The following FGR variants were observed in gnomAD, a reference collection of about 807,000 sequenced individuals.
The protein encoded by FGR is FGR proto-oncogene, Src family tyrosine kinase.
In FGR, 26 loss-of-function variants were observed where a neutral mutation model predicts 63.2. That is an observed-to-expected ratio of 0.41 (90% CI 0.30 to 0.57). The LOEUF (loss-of-function observed/expected upper bound fraction) is 0.57. Among genes scored for constraint, FGR ranks in the 20% least tolerant of loss-of-function variants. FGR has a pLI of 0.27. For synonymous variants in FGR, 286 were observed against 277.7 expected (o/e 1.03, Z -0.30); for missense variants, 511 against 690.8 (o/e 0.74, Z 2.92).
In FGR at chr1:27,616,820, G is replaced by T. The variant is rs1335647843; in HGVS notation, c.682+37C>A. On this transcript the variant is annotated intron_variant, in intron 7 of 12. Transcript: ENST00000374005. This position sits in a 1 kb window ranked among gnomAD's most constrained non-coding sequence, Gnocchi z 4.3. ...GTTCCCCCATCTGGACAATGCTTCA[G>T]TTGGTTGGTTCAGGGATCTGAGGCC... is the stretch of plus-strand genomic sequence containing the variant. 7 of 1,608,978 alleles carry T rather than the reference G, an allele frequency of 4.4e-6. No individual in the cohort carries two copies. Among genetic ancestry groups the T allele is most frequent in the Admixed American group, 3.3e-5 (2 of 59,996 alleles).
chr1:27,633,739 A>G (rs1292073), intron 1 of FGR, among the ~76,000 whole-genome samples: 6,723 of 152,190 alleles, frequency 0.044, 494 homozygotes, highest in African/African-American at 0.15. Context: ...TTTTTTGTAG[A>G]GACAGGACGG....
At chr1:27,623,623 A>G (rs753801820) in intron 3 of FGR, 68 bp downstream of exon 3, 5 of 1,534,464 alleles carry the variant, frequency 3.3e-6, no homozygotes, top group Middle Eastern at 1.7e-4. Context: ...GCAAGTTCGC[A>G]TCTCTTCTTC....
chr1:27,614,967 G>C (rs2089776768), intron 9 of FGR, 41 bp from the exon 10 acceptor site: 1 of 1,525,534 alleles, frequency 6.6e-7, no homozygotes, highest in South Asian at 1.2e-5. Flanking sequence ...GCCCTACCCC[G>C]GGCCCCAGCC....
chr1:27,633,746 A>C (rs2090138294), intron 1 of FGR, among the ~76,000 whole-genome samples: 1 of 152,134 alleles, frequency 6.6e-6, no homozygotes, highest in African/African-American at 2.4e-5. Flanking sequence ...TAGAGACAGG[A>C]CGGGGGTCTC....
At chr1:27,623,552 C>G in intron 3 of FGR, 139 bp downstream of exon 3, 3 of 867,056 alleles carry the variant, frequency 3.5e-6, no homozygotes, top group Non-Finnish European at 5.6e-6. Context: ...CAGACTCCCT[C>G]AGCCCATGTG....
At chr1:27,633,765 G>A (rs914970202) in intron 1 of FGR, among the ~76,000 whole-genome samples, 3 of 152,132 alleles carry the variant, frequency 2.0e-5, no homozygotes, top group Admixed American at 6.5e-5. Flanking sequence ...TCCCTGTGCT[G>A]CCCAGGCTGG....
At chr1:27,633,431 T>C (rs1037556832) in intron 1 of FGR, among the ~76,000 whole-genome samples, 2 of 152,136 alleles carry the variant, frequency 1.3e-5, no homozygotes, top group African/African-American at 4.8e-5. Flanking sequence ...AGAGAGGGTG[T>C]GAGACAGATT....
intron 1 of FGR, among the ~76,000 whole-genome samples, chr1:27,629,219 A>G (rs1226069265): frequency 6.6e-6 from 1 of 152,124 alleles, no homozygotes; most frequent in Non-Finnish European, 1.5e-5. Context: ...AAAAAAGAAA[A>G]GAAAAGAAAA....
rs1040219112 is a variant in FGR, at chr1:27,623,448, C to A, written c.226+243G>T. On this transcript the variant is annotated intron_variant, in intron 3 of 12. Transcript: ENST00000374005. The stretch of plus-strand genomic sequence containing the variant: ...AAGGGCAAGAAGTTTCTCTTTGTCA[C>A]TTGCATCTGTCACAGGATCCTGCCC... The A allele has an allele frequency of 1.2e-4, 73 of 603,628 alleles. 1 individual carries two copies. The highest frequency in any genetic ancestry group is 7.5e-4 in the South Asian group (38 of 50,404). 37.4% of individuals were successfully genotyped at this position (603,628 alleles called of 1,614,324 possible).
chr1:27,621,796 G>A, intron 4 of FGR, 139 bp from the exon 5 acceptor site: 1 of 663,756 alleles, frequency 1.5e-6, no homozygotes, highest in Non-Finnish European at 2.8e-6. Context: ...TGGGGCTTTT[G>A]TCCGCTCTGC....
chr1:27,625,978 C>T, intron 1 of FGR: 1 of 400,550 alleles, frequency 2.5e-6, no homozygotes, highest in Non-Finnish European at 4.4e-6. Flanking sequence ...AGTCCTTCCT[C>T]TGAACCCTGC....
In FGR at chr1:27,613,017, C is replaced by T. The variant is rs141451773; in HGVS notation, c.1487G>A (p.Arg496His). 422 of 1,614,228 alleles carry T rather than the reference C, an allele frequency of 2.6e-4. 2 individuals are homozygous for T. Among genetic ancestry groups the T allele is most frequent in the East Asian group, 3.3e-4 (15 of 44,892 alleles). The change falls in exon 13 of 13, where the codon CGT becomes CAT. Residue 496 changes from arginine to histidine, a missense_variant. Physicochemically the swap from Arg to His is conservative, Grantham distance 29 (BLOSUM62 0). Transcript: ENST00000374005. ...SLYEAMEQTWRLDPEERPTFE... is the reference protein window; with the variant it reads ...SLYEAMEQTWHLDPEERPTFE... ...GGTAGGCCTCTCCTCCGGGTCCAGA[C>T]GCCAGGTCTGTTCCATGGCCTCGTA...
At position 27,612,865 on chromosome 1, in the gene FGR, T is replaced by C. The variant is rs569341185; in HGVS notation, c.*49A>G. 3 of 1,550,096 alleles carry C rather than the reference T, an allele frequency of 1.9e-6. No homozygotes were observed. Among genetic ancestry groups the C allele is most frequent in the African/African-American group, 2.7e-5 (2 of 73,854 alleles). Reference sequence around the variant, plus strand: ...GGCTTTGGAAGAACAGCTCTGGGGATTGGCAAGGACTGGTGGCCACCGCCA... The same window carrying C: ...GGCTTTGGAAGAACAGCTCTGGGGACTGGCAAGGACTGGTGGCCACCGCCA... On this transcript the variant is annotated 3_prime_UTR_variant, in exon 13 of 13. Transcript: ENST00000374005.
intron 1 of FGR, among the ~76,000 whole-genome samples, chr1:27,632,892 G>C (rs1463361661): frequency 1.3e-5 from 2 of 152,108 alleles, no homozygotes; most frequent in Non-Finnish European, 2.9e-5. Context: ...AGCCCAGTCT[G>C]CTCTGCGTGG....
At chr1:27,624,668 T>G (rs2089989276) in intron 2 of FGR, among the ~76,000 whole-genome samples, 1 of 152,112 alleles carries the variant, frequency 6.6e-6, no homozygotes. Flanking sequence ...TGTATATGTC[T>G]GTAAGACCGT....
rs1485264589 is a variant in FGR at position 27,615,933 on chromosome 1, A to G, written c.683-89T>C. Reference sequence around the variant, plus strand: ...CTATCCCAGCCTGGTGCCAGACCCTAAGATCAGTTATAAGGAACTAGGCCC... The same window carrying G: ...CTATCCCAGCCTGGTGCCAGACCCTGAGATCAGTTATAAGGAACTAGGCCC... On this transcript the variant is annotated intron_variant, in intron 7 of 12. Transcript: ENST00000374005. The surrounding 1 kb of genome is among the most constrained non-coding windows in gnomAD (Gnocchi z 7.6). 7.2e-7 allele frequency: 1 copy of G among 1,394,844 alleles called. No homozygotes were observed. Among genetic ancestry groups the G allele is most frequent in the Non-Finnish European group, 9.6e-7 (1 of 1,041,942 alleles). 86.4% of individuals were successfully genotyped at this position (1,394,844 alleles called of 1,614,324 possible). A position where few individuals can be genotyped will look rare whatever the true frequency, so the allele number is the denominator to read the frequency against.
rs1421505155 is a variant in FGR at position 27,613,179 on chromosome 1, G to A, written c.1381+40C>T. Reference sequence around the variant, plus strand: ...CAGCCAGGTGGAAGCCCTTCCCCGTGACCATCCCCCACCCCAGCCCTACCC... The same window carrying A: ...CAGCCAGGTGGAAGCCCTTCCCCGTAACCATCCCCCACCCCAGCCCTACCC... On this transcript the variant is annotated intron_variant, in intron 12 of 12. Transcript: ENST00000374005. The A allele has an allele frequency of 1.9e-6, 3 of 1,609,894 alleles. No homozygotes were observed. In the African/African-American group the frequency reaches 4.0e-5, roughly 22 times the overall value.
intron 1 of FGR, among the ~76,000 whole-genome samples, chr1:27,632,625 T>G (rs889514061): frequency 3.9e-5 from 6 of 152,122 alleles, no homozygotes; most frequent in African/African-American, 1.4e-4. Flanking sequence ...TTCCACTTCT[T>G]GTGGGTAAAA....
intron 1 of FGR, among the ~76,000 whole-genome samples, chr1:27,634,080 G>C (rs1364049704): frequency 6.6e-6 from 1 of 151,870 alleles, no homozygotes; most frequent in African/African-American, 2.4e-5. Flanking sequence ...TACCTCGGTC[G>C]GGAAGCCCAC....
Sources: gnomAD v4.1 joint callset for allele counts (sites outside exome capture counted in the v4.1 genomes callset) on GRCh38, gnomAD v4.1.1 for gene constraint, Gnocchi (gnomAD v3.1) non-coding constraint, MANE v1.5 for transcripts, NCBI Gene and HGNC (gene_info 2026-07-23, HGNC 2026-07-21) for gene names.